The following LARGE1 variants were observed in gnomAD, a reference collection of about 807,000 sequenced individuals.
The protein encoded by LARGE1 is LARGE xylosyl- and glucuronyltransferase 1.
LARGE1 carries 43 observed loss-of-function variants against 87.6 expected under a neutral mutation model. That is an observed-to-expected ratio of 0.49 (90% CI 0.38 to 0.63). The LOEUF (loss-of-function observed/expected upper bound fraction) is 0.63. LARGE1 is among the 30% of genes least tolerant of loss of function. The pLI is 0.00. For missense variants in LARGE1, 802 were observed against 1,000.2 expected (o/e 0.80, Z 2.67); for synonymous variants, 434 against 394.6 (o/e 1.10, Z -1.18).
intron 7 of LARGE1, among the ~76,000 whole-genome samples, chr22:33,422,652 G>C (rs2066733228): frequency 6.6e-6 from 1 of 152,048 alleles, no homozygotes; most frequent in Non-Finnish European, 1.5e-5. Flanking sequence ...TGGGATCACA[G>C]GTGCATGCCA....
intron 10 of LARGE1, among the ~76,000 whole-genome samples, chr22:33,332,384 C>T (rs1161643546): frequency 6.6e-6 from 1 of 152,214 alleles, no homozygotes; most frequent in Non-Finnish European, 1.5e-5. Context: ...ATTGTGAGGC[C>T]TCCCCAGCCA....
intron 11 of LARGE1, among the ~76,000 whole-genome samples, chr22:33,247,773 C>T (rs1028603815): frequency 6.6e-6 from 1 of 152,158 alleles, no homozygotes; most frequent in African/African-American, 2.4e-5. Context: ...GATTGTGGAG[C>T]CCGGACATAT....
At chr22:33,845,411 C>T (rs1292237807) in intron 1 of LARGE1, among the ~76,000 whole-genome samples, 2 of 152,032 alleles carry the variant, frequency 1.3e-5, no homozygotes, top group South Asian at 2.1e-4. Flanking sequence ...TGGGTTCAGG[C>T]GATTCTCCTG....
chr22:33,585,434 C>T (rs1019726161), intron 5 of LARGE1, among the ~76,000 whole-genome samples: 1 of 152,140 alleles, frequency 6.6e-6, no homozygotes, highest in African/African-American at 2.4e-5. Flanking sequence ...CCTGAGACAC[C>T]ATCTTGGCCA....
chr22:33,104,895 CTTTCTTTCTTTCTT>C, the LARGE1 span, among the ~76,000 whole-genome samples: 471 of 56,478 alleles, frequency 8.3e-3, 3 homozygotes, highest in Middle Eastern at 0.022. Flanking sequence ...CTCTCTCTTT[CTTTCTTTCTTTCTT>C]TCTTTCTTTC....
At chr22:33,596,712 T>C (rs2078985392) in intron 5 of LARGE1, among the ~76,000 whole-genome samples, 1 of 148,998 alleles carries the variant, frequency 6.7e-6, no homozygotes, top group African/African-American at 2.5e-5. Context: ...AGAAAAGATT[T>C]AAGAAGTTAA....
intron 11 of LARGE1, among the ~76,000 whole-genome samples, chr22:33,248,293 T>C (rs1324117919): frequency 6.6e-6 from 1 of 152,148 alleles, no homozygotes; most frequent in East Asian, 1.9e-4. Flanking sequence ...GTTCAAGCAA[T>C]TTTCCTGCCT....
intron 9 of LARGE1, among the ~76,000 whole-genome samples, chr22:33,346,717 CT>C (rs1474534001): frequency 6.6e-6 from 1 of 152,146 alleles, no homozygotes; most frequent in Non-Finnish European, 1.5e-5. Context: ...GTGTCTCCCC[CT>C]CCACCCCATT....
intron 11 of LARGE1, among the ~76,000 whole-genome samples, chr22:33,253,637 G>C (rs1367983300): frequency 6.6e-6 from 1 of 152,174 alleles, no homozygotes; most frequent in Admixed American, 6.5e-5. Flanking sequence ...GCTTGAACCC[G>C]GAAGGTGGAG....
At chr22:33,785,707 GTT>G (rs1295313408) in intron 1 of LARGE1, among the ~76,000 whole-genome samples, 2 of 152,134 alleles carry the variant, frequency 1.3e-5, no homozygotes, top group Non-Finnish European at 2.9e-5. Context: ...AACAAAATGA[GTT>G]TGTCTGCCAG....
intron 1 of LARGE1, among the ~76,000 whole-genome samples, chr22:33,848,479 A>G (rs1358710262): frequency 3.9e-5 from 6 of 152,040 alleles, no homozygotes; most frequent in African/African-American, 1.2e-4. Context: ...ACTCAGAGTG[A>G]AAGTCATTCC....
At chr22:33,520,482 G>A (rs183597133) in intron 6 of LARGE1, among the ~76,000 whole-genome samples, 50 of 152,248 alleles carry the variant, frequency 3.3e-4, no homozygotes, top group Non-Finnish European at 5.7e-4. Flanking sequence ...TGACAAGCAC[G>A]GGAGGGGACT....
Position 33,350,687 on chromosome 22 carries a change from T to C in LARGE1, c.1132-12886A>G, listed in dbSNP as rs765066246. On this transcript the variant is annotated intron_variant, in intron 9 of 14. Transcript: ENST00000397394. ...TGGGAGAGGCAGCTGTGCTTCCTGGTTCCCAGCAGGCACCTTCCGTGAGGC... is the reference window on the plus strand; with the variant it reads ...TGGGAGAGGCAGCTGTGCTTCCTGGCTCCCAGCAGGCACCTTCCGTGAGGC... Among the ~76,000 whole-genome samples the C allele has an allele frequency of 5.0e-4, 76 of 152,288 alleles. 1 individual carries two copies. The highest frequency in any genetic ancestry group is 1.5e-4 in the Non-Finnish European group (10 of 68,006).
In LARGE1 at chr22:33,577,725, C is replaced by T. The variant is rs1023966432; in HGVS notation, c.616-12706G>A. On this transcript the variant is annotated intron_variant, in intron 5 of 14. Coordinates refer to ENST00000397394, the MANE Select transcript of LARGE1 (RefSeq NM_133642.5). ...CTGTGACAATCTCTGTTACTAGCTG[C>T]GGAGATACACCTTGCAGGTGAGTTT... Among the ~76,000 whole-genome samples the T allele has an allele frequency of 5.9e-5, 9 of 152,182 alleles. No homozygotes were observed. In the East Asian group the frequency reaches 7.7e-4, roughly 13 times the overall value.
At chr22:33,159,513 C>G (rs566335179), downstream of LARGE1, among the ~76,000 whole-genome samples, 5 of 151,578 alleles carry the variant, frequency 3.3e-5, no homozygotes, top group Middle Eastern at 3.4e-3. Context: ...AAAGACAACA[C>G]AAATACTCAT....
At chr22:33,604,657 G>A (rs961111907) in intron 4 of LARGE1, 99 bp from the exon 5 acceptor site, 24 of 1,442,304 alleles carry the variant, frequency 1.7e-5, no homozygotes, top group Admixed American at 6.9e-5. Flanking sequence ...GGTGGGGCAC[G>A]TTTCTAACGG....
the LARGE1 span, among the ~76,000 whole-genome samples, chr22:33,156,559 C>T: frequency 6.6e-6 from 1 of 152,142 alleles, no homozygotes; most frequent in African/African-American, 2.4e-5. Context: ...TTACCCAATG[C>T]CTGTAACCCC....
intron 11 of LARGE1, among the ~76,000 whole-genome samples, chr22:33,229,056 A>G (rs1925874372): frequency 6.6e-6 from 1 of 152,258 alleles, no homozygotes; most frequent in Non-Finnish European, 1.5e-5. Context: ...GGAAATGCCA[A>G]GCCTGAAGCA....
rs376277412 is a variant in LARGE1 at position 33,500,275 on chromosome 22, C to T, written c.787+64573G>A. On this transcript the variant is annotated intron_variant, in intron 6 of 14. Coordinates refer to ENST00000397394, the MANE Select transcript of LARGE1 (RefSeq NM_133642.5). ...ACGCTGCTTTGCCAACAGTTAGGTG[C>T]TAAGTGGGAGATGATTTTCTCAAAA... Among the ~76,000 whole-genome samples the T allele has an allele frequency of 1.5e-3, 227 of 152,222 alleles. 1 individual carries two copies. Among genetic ancestry groups the T allele is most frequent in the Middle Eastern group, 0.01 (3 of 292 alleles).
Sources: gnomAD v4.1 joint callset for allele counts (sites outside exome capture counted in the v4.1 genomes callset) on GRCh38, gnomAD v4.1.1 for gene constraint, MANE v1.5 for transcripts, NCBI Gene and HGNC (gene_info 2026-07-23, HGNC 2026-07-21) for gene names.